Variants in PIGN observed in about 807,000 individuals in gnomAD.
The protein encoded by PIGN is phosphatidylinositol glycan anchor biosynthesis class N.
In PIGN, 117 loss-of-function variants were observed where a neutral mutation model predicts 125.4. The ratio of observed to expected loss-of-function variants is 0.93; its 90% CI spans 0.80 to 1.09. The LOEUF (loss-of-function observed/expected upper bound fraction) is 1.09, where lower values mean the gene tolerates loss of function less well. Among genes scored for constraint, PIGN ranks in the 50% least tolerant of loss-of-function variants. The pLI, the probability that PIGN is intolerant of heterozygous loss-of-function variation, is 0.00. For synonymous variants in PIGN, 392 were observed against 377.8 expected (o/e 1.04, Z -0.44); for missense variants, 1,075 against 1,094.9 (o/e 0.98, Z 0.26).
At chr18:62,145,774 T>C (rs1194499354) in intron 10 of PIGN, 135 bp downstream of exon 10, 2 of 584,332 alleles carry the variant, frequency 3.4e-6, no homozygotes, top group East Asian at 6.0e-5. Flanking sequence ...GTAGTGTTTG[T>C]ATAGAAATAG....
At chr18:62,180,912 C>G (rs2037695364) in intron 1 of PIGN, among the ~76,000 whole-genome samples, 1 of 152,032 alleles carries the variant, frequency 6.6e-6, no homozygotes, top group Non-Finnish European at 1.5e-5. Context: ...GAAAACTTTC[C>G]TGGTTCTTAT....
intron 30 of PIGN, among the ~76,000 whole-genome samples, chr18:62,068,604 C>T (rs1279599967): frequency 2.0e-5 from 3 of 152,200 alleles, no homozygotes; most frequent in Non-Finnish European, 4.4e-5. Flanking sequence ...AGCTCAACAA[C>T]GTCCTCTGCC....
At chr18:62,176,370 G>C (rs1333393193) in intron 1 of PIGN, among the ~76,000 whole-genome samples, 2 of 151,892 alleles carry the variant, frequency 1.3e-5, no homozygotes, top group African/African-American at 4.8e-5. Context: ...ATTGATAAAT[G>C]CTAAAATCAA....
rs1427550384 is a variant in PIGN, at chr18:62,043,788, T to C, written c.*2068A>G. 2.0e-5 allele frequency: 3 copies of C among 152,182 alleles called. No homozygotes were observed. The highest frequency in any genetic ancestry group is 2.9e-5 in the Non-Finnish European group (2 of 68,034). The allele number at this position is 152,182 out of a possible 1,614,324, so 9.4% of individuals were successfully genotyped here. A position where few individuals can be genotyped will look rare whatever the true frequency, so the allele number is the denominator to read the frequency against. On this transcript the variant is annotated 3_prime_UTR_variant, in exon 31 of 31. Coordinates refer to ENST00000640252, the MANE Select transcript of PIGN (RefSeq NM_176787.5). ...TTTTTGGTTCAATATTTTCACAACT[T>C]GTTCTGCCTATTTTAATTCTTATAA...
intron 1 of PIGN, among the ~76,000 whole-genome samples, chr18:62,175,867 C>G (rs573697248): frequency 6.6e-6 from 1 of 152,122 alleles, no homozygotes; most frequent in African/African-American, 2.4e-5. Flanking sequence ...AGAAATTTTA[C>G]TTATTTTGGG....
At chr18:62,165,019 G>T (rs753810893) in intron 1 of PIGN, among the ~76,000 whole-genome samples, 1 of 152,194 alleles carries the variant, frequency 6.6e-6, no homozygotes, top group African/African-American at 2.4e-5. Context: ...CATTGTGGCT[G>T]TGATGGGAGG....
At chr18:62,086,902 G>T (rs1222396921) in intron 25 of PIGN, among the ~76,000 whole-genome samples, 2 of 151,576 alleles carry the variant, frequency 1.3e-5, no homozygotes, top group East Asian at 3.9e-4. Flanking sequence ...ACAACAAGTT[G>T]GATGTCTTGG....
intron 30 of PIGN, chr18:62,052,357 C>G (rs1279673550): frequency 6.6e-6 from 1 of 150,624 alleles, no homozygotes; most frequent in African/African-American, 2.4e-5. Flanking sequence ...GTAGGTCACT[C>G]AGGACTTGCT....
chr18:62,131,866 A>G (rs1346328481), intron 14 of PIGN, among the ~76,000 whole-genome samples: 1 of 152,202 alleles, frequency 6.6e-6, no homozygotes, highest in Non-Finnish European at 1.5e-5. Flanking sequence ...AATGGTGAAG[A>G]TACCATTAAA....
intron 28 of PIGN, among the ~76,000 whole-genome samples, chr18:62,080,709 C>T (rs1356021216): frequency 2.0e-5 from 3 of 152,146 alleles, no homozygotes; most frequent in African/African-American, 7.2e-5. Flanking sequence ...ATCTACCATT[C>T]TTAGGAATGC....
At chr18:62,071,381 C>T (rs2032835845) in intron 30 of PIGN, among the ~76,000 whole-genome samples, 1 of 152,178 alleles carries the variant, frequency 6.6e-6, no homozygotes, top group Non-Finnish European at 1.5e-5. Flanking sequence ...ATCCTCCCCA[C>T]AGCATTCCAT....
At chr18:62,034,075 CA>C in intron 23 of PIGN, among the ~76,000 whole-genome samples, 1 of 152,208 alleles carries the variant, frequency 6.6e-6, no homozygotes, top group South Asian at 2.1e-4. Flanking sequence ...TTCTTGAGGG[CA>C]AGAATTAGGT....
intron 28 of PIGN, 110 bp downstream of exon 28, chr18:62,082,563 C>T (rs2033497474): frequency 1.9e-6 from 1 of 539,468 alleles, no homozygotes; most frequent in East Asian, 3.2e-5. Flanking sequence ...TTGTAATAAA[C>T]AATCTATGTT....
intron 1 of PIGN, among the ~76,000 whole-genome samples, chr18:62,170,020 C>T (rs1293489570): frequency 6.6e-6 from 1 of 152,206 alleles, no homozygotes; most frequent in East Asian, 1.9e-4. Flanking sequence ...TTCAGTGGCT[C>T]TAATTCTCAG....
chr18:62,079,952 T>C (rs1473399699), intron 28 of PIGN, among the ~76,000 whole-genome samples: 1 of 152,200 alleles, frequency 6.6e-6, no homozygotes, highest in Non-Finnish European at 1.5e-5. Context: ...AATATTATAA[T>C]AATTCTGATT....
intron 23 of PIGN, among the ~76,000 whole-genome samples, chr18:62,094,855 A>C (rs1228491068): frequency 2.6e-5 from 4 of 152,098 alleles, no homozygotes. Flanking sequence ...TTGGTGAAAA[A>C]AAGGTTTAGG....
chr18:62,122,645 A>G (rs2035351781), intron 14 of PIGN, among the ~76,000 whole-genome samples: 1 of 152,170 alleles, frequency 6.6e-6, no homozygotes, highest in Admixed American at 6.6e-5. Flanking sequence ...TGGAATGAAA[A>G]TATGTTCTCA....
At chr18:62,175,441 T>G (rs549505083) in intron 1 of PIGN, among the ~76,000 whole-genome samples, 17 of 152,302 alleles carry the variant, frequency 1.1e-4, no homozygotes, top group African/African-American at 4.1e-4. Context: ...CCATTCCCCA[T>G]AAAATTTCCA....
intron 25 of PIGN, among the ~76,000 whole-genome samples, chr18:62,087,185 A>T (rs10503057): frequency 0.17 from 25,673 of 152,186 alleles, 2,925 homozygotes; most frequent in Middle Eastern, 0.28. Flanking sequence ...ATGGAGAAAA[A>T]AGTATGGCTG....
Sources: gnomAD v4.1 joint callset for allele counts (sites outside exome capture counted in the v4.1 genomes callset) on GRCh38, gnomAD v4.1.1 for gene constraint, MANE v1.5 for transcripts, NCBI Gene and HGNC (gene_info 2026-07-23, HGNC 2026-07-21) for gene names.